Variants in SLCO3A1 observed in about 807,000 individuals in gnomAD.
SLCO3A1 encodes solute carrier organic anion transporter family member 3A1, also known as PGE1 transporter.
In SLCO3A1, 27 loss-of-function variants were observed where a neutral mutation model predicts 63.1. The observed-to-expected ratio is 0.43, with a 90% CI of 0.32 to 0.59. The LOEUF is 0.59. Among genes scored for constraint, SLCO3A1 ranks in the 20% least tolerant of loss-of-function variants. The pLI, the probability that SLCO3A1 is intolerant of heterozygous loss-of-function variation, is 0.09. For synonymous variants in SLCO3A1, 473 were observed against 409.9 expected, an observed-to-expected ratio of 1.15 and a Z score of -1.86; for missense variants, 773 against 945.8, an observed-to-expected ratio of 0.82 and a Z score of 2.40.
intron 2 of SLCO3A1, among the ~76,000 whole-genome samples, chr15:92,032,164 A>G (rs976549313): frequency 5.9e-5 from 9 of 152,200 alleles, no homozygotes; most frequent in Non-Finnish European, 1.3e-4. Context: ...ACTGGGGGCC[A>G]GAATGAGTTC....
intron 2 of SLCO3A1, among the ~76,000 whole-genome samples, chr15:92,039,821 C>T (rs1260346935): frequency 2.0e-5 from 3 of 152,100 alleles, no homozygotes; most frequent in African/African-American, 7.2e-5. Context: ...AACCCAAATG[C>T]CCATCATGAT....
At chr15:92,073,561 T>G (rs953465842) in intron 2 of SLCO3A1, among the ~76,000 whole-genome samples, 1 of 152,242 alleles carries the variant, frequency 6.6e-6, no homozygotes, top group African/African-American at 2.4e-5. Context: ...CAGATCCCAG[T>G]GAGCTCCCCA....
At chr15:92,124,037 G>T (rs984352581) in intron 5 of SLCO3A1, among the ~76,000 whole-genome samples, 1 of 152,166 alleles carries the variant, frequency 6.6e-6, no homozygotes, top group Non-Finnish European at 1.5e-5. Flanking sequence ...GACGCTGGAG[G>T]CTGGCTGCAG....
At chr15:92,047,847 G>C (rs1265962027) in intron 2 of SLCO3A1, among the ~76,000 whole-genome samples, 1 of 151,060 alleles carries the variant, frequency 6.6e-6, no homozygotes, top group Non-Finnish European at 1.5e-5. Flanking sequence ...CCCACCACCA[G>C]CTGCAGTTTC....
At chr15:92,021,840 C>T (rs1192917399) in intron 2 of SLCO3A1, among the ~76,000 whole-genome samples, 3 of 151,962 alleles carry the variant, frequency 2.0e-5, no homozygotes, top group African/African-American at 7.3e-5. Flanking sequence ...TAGGGACGCC[C>T]GAGGGAGGCT....
At chr15:92,172,073 TCA>T in exon 11 of SLCO3A1, 1 of 524,468 alleles carries the variant, frequency 1.9e-6, no homozygotes, top group South Asian at 2.8e-5. Context: ...CAAACAGCTC[TCA>T]GAGTAGGCAT....
intron 1 of SLCO3A1, among the ~76,000 whole-genome samples, chr15:91,867,988 T>C (rs1897206468): frequency 6.6e-6 from 1 of 152,218 alleles, no homozygotes; most frequent in South Asian, 2.1e-4. Flanking sequence ...ATCCTATGTC[T>C]GTGTCTTTAT....
chr15:91,987,552 G>A (rs1196231511), intron 2 of SLCO3A1, among the ~76,000 whole-genome samples: 1 of 152,052 alleles, frequency 6.6e-6, no homozygotes, highest in East Asian at 1.9e-4. Context: ...GACCAGCCTA[G>A]CCAACATCAT....
intron 2 of SLCO3A1, among the ~76,000 whole-genome samples, chr15:91,970,691 C>G (rs1398463190): frequency 1.3e-5 from 2 of 152,178 alleles, no homozygotes; most frequent in Non-Finnish European, 2.9e-5. Context: ...GACCAAAAAA[C>G]AGGCATCCAG....
At chr15:91,902,085 CAT>C (rs1164896192) in intron 1 of SLCO3A1, among the ~76,000 whole-genome samples, 2 of 151,798 alleles carry the variant, frequency 1.3e-5, no homozygotes, top group Non-Finnish European at 2.9e-5. Context: ...TTTCTTCTGA[CAT>C]CTCATATCTG....
intron 10 of SLCO3A1, chr15:92,171,685 C>T: frequency 1.1e-6 from 1 of 879,132 alleles, no homozygotes; most frequent in South Asian, 1.5e-5. Flanking sequence ...ACTGCAAAGC[C>T]ATCATGCTAT....
intron 1 of SLCO3A1, among the ~76,000 whole-genome samples, chr15:91,871,040 T>G (rs1567164634): frequency 6.6e-6 from 1 of 152,228 alleles, no homozygotes; most frequent in Non-Finnish European, 1.5e-5. Context: ...TGTTGCTTTC[T>G]TGCCTTTCCA....
chr15:92,127,674 T>C (rs1435326699), intron 6 of SLCO3A1, among the ~76,000 whole-genome samples: 1 of 152,222 alleles, frequency 6.6e-6, no homozygotes, highest in Non-Finnish European at 1.5e-5. Flanking sequence ...TACCCTTTTG[T>C]TCTTTTTTCA....
intron 1 of SLCO3A1, among the ~76,000 whole-genome samples, chr15:91,915,170 A>G (rs1898612342): frequency 6.6e-6 from 1 of 152,114 alleles, no homozygotes; most frequent in Non-Finnish European, 1.5e-5. Flanking sequence ...TGTTATTCTT[A>G]GGTACATGTT....
At chr15:92,006,291 C>G (rs2046312170) in intron 2 of SLCO3A1, among the ~76,000 whole-genome samples, 1 of 152,172 alleles carries the variant, frequency 6.6e-6, no homozygotes, top group African/African-American at 2.4e-5. Flanking sequence ...GTCTGCCTGA[C>G]CAAGAGCTCA....
At chr15:91,969,626 GTCTT>G (rs1900785839) in intron 2 of SLCO3A1, among the ~76,000 whole-genome samples, 1 of 152,090 alleles carries the variant, frequency 6.6e-6, no homozygotes, top group Non-Finnish European at 1.5e-5. Context: ...AATTATTGTT[GTCTT>G]TCTATCAAAA....
chr15:92,126,485 C>T (rs866380637), intron 6 of SLCO3A1, among the ~76,000 whole-genome samples: 5 of 152,064 alleles, frequency 3.3e-5, no homozygotes, highest in African/African-American at 1.2e-4. Flanking sequence ...GAAGAGAAGC[C>T]GTTTCCTCCC....
intron 2 of SLCO3A1, among the ~76,000 whole-genome samples, chr15:92,084,203 C>G (rs912643344): frequency 9.2e-5 from 14 of 151,998 alleles, no homozygotes; most frequent in African/African-American, 3.1e-4. Context: ...TTACATGATC[C>G]TGTATTTTCC....
chr15:91,969,611 G>T (rs1054522270), intron 2 of SLCO3A1, among the ~76,000 whole-genome samples: 7 of 152,070 alleles, frequency 4.6e-5, no homozygotes, highest in African/African-American at 1.7e-4. Context: ...CTGGCCTCTT[G>T]TTACAATTAT....
Sources: allele counts gnomAD v4.1 joint callset (sites outside exome capture counted in the v4.1 genomes callset), GRCh38; gene constraint gnomAD v4.1.1; transcripts MANE v1.5; gene names NCBI Gene and HGNC (gene_info 2026-07-23, HGNC 2026-07-21).